Variants in XRN1 observed in about 807,000 individuals in gnomAD.
XRN1 encodes 5'-3' exoribonuclease 1.
In XRN1, 67 loss-of-function variants were observed where a neutral mutation model predicts 222.3. The ratio of observed to expected loss-of-function variants is 0.30; its 90% CI spans 0.25 to 0.37. The LOEUF (loss-of-function observed/expected upper bound fraction) is 0.37, where lower values mean the gene tolerates loss of function less well. XRN1 is among the 10% of genes least tolerant of loss of function. XRN1 has a pLI of 1.00. For synonymous variants in XRN1, 643 were observed against 652.4 expected (o/e 0.99, Z 0.22); for missense variants, 1,707 against 2,000.2 (o/e 0.85, Z 2.80).
At chr3:142,331,947 G>T (rs961975761) in intron 36 of XRN1, among the ~76,000 whole-genome samples, 1 of 151,980 alleles carries the variant, frequency 6.6e-6, no homozygotes, top group Non-Finnish European at 1.5e-5. Flanking sequence ...GCTAACTTTT[G>T]TATTTTTTAG....
chr3:142,348,884 C>T (rs1476123771), intron 32 of XRN1, among the ~76,000 whole-genome samples: 1 of 152,130 alleles, frequency 6.6e-6, no homozygotes, highest in Non-Finnish European at 1.5e-5. Flanking sequence ...AAGTGTTCCT[C>T]CTGCCTTGGC....
In XRN1 at chr3:142,426,730, C is replaced by T; in HGVS notation, c.406+14G>A. On this transcript the variant is annotated intron_variant, in intron 3 of 40. Coordinates refer to ENST00000392981, the MANE Select transcript of XRN1 (RefSeq NM_001282857.2). ...ATTTCAATTCTGTCATAATTTGTCT[C>T]TCAGTGAATTTACCTGGTGTGATAC... 3 of 1,597,882 alleles carry T rather than the reference C, an allele frequency of 1.9e-6. No homozygotes were observed. Among genetic ancestry groups the T allele is most frequent in the Non-Finnish European group, 2.6e-6 (3 of 1,171,648 alleles).
Position 142,400,048 on chromosome 3 carries a change from A to G in XRN1, c.2207+396T>C, listed in dbSNP as rs9842297. ...TAAGATATTTTTCTTAAAACAAAAG[A>G]TATGTGCCCTAAAAAATTAATGTAC... is the stretch of plus-strand genomic sequence containing the variant. On this transcript the variant is annotated intron_variant, in intron 19 of 40. Coordinates refer to ENST00000392981, the MANE Select transcript of XRN1 (RefSeq NM_001282857.2). 1.1e-3 allele frequency among the ~76,000 whole-genome samples: 174 copies of G among 152,284 alleles called. 1 individual carries two copies. Among genetic ancestry groups the G allele is most frequent in the African/African-American group, 3.7e-3 (155 of 41,580 alleles).
intron 29 of XRN1, among the ~76,000 whole-genome samples, chr3:142,363,172 C>G (rs1315350732): frequency 6.6e-6 from 1 of 151,590 alleles, no homozygotes; most frequent in African/African-American, 2.4e-5. Context: ...AATTTTAGCT[C>G]TTACATTTAT....
intron 29 of XRN1, among the ~76,000 whole-genome samples, chr3:142,363,340 T>C (rs2066710155): frequency 6.6e-6 from 1 of 152,024 alleles, no homozygotes; most frequent in Non-Finnish European, 1.5e-5. Flanking sequence ...TTAAATTAAA[T>C]TACATTTTTT....
intron 15 of XRN1, among the ~76,000 whole-genome samples, chr3:142,412,165 A>G (rs1026068008): frequency 1.3e-5 from 2 of 152,298 alleles, no homozygotes; most frequent in Middle Eastern, 3.4e-3. Context: ...TTAATTCTTC[A>G]GAGAAAAGTG....
At chr3:142,403,478 G>T (rs1485847521) in intron 18 of XRN1, among the ~76,000 whole-genome samples, 196 bp downstream of exon 18, 3 of 152,032 alleles carry the variant, frequency 2.0e-5, no homozygotes, top group Admixed American at 6.6e-5. Flanking sequence ...TAGAAAATTT[G>T]TATATTCATT....
chr3:142,429,144 CTT>C (rs199947503), intron 2 of XRN1, among the ~76,000 whole-genome samples: 7 of 120,098 alleles, frequency 5.8e-5, no homozygotes, highest in East Asian at 2.4e-4. Flanking sequence ...TAGCCATAAT[CTT>C]TTTTTTTTTT....
intron 33 of XRN1, among the ~76,000 whole-genome samples, chr3:142,336,022 T>C (rs2065842935): frequency 6.6e-6 from 1 of 152,172 alleles, no homozygotes; most frequent in Non-Finnish European, 1.5e-5. Flanking sequence ...ATTGGCTAAA[T>C]AGAAGAATAG....
At chr3:142,402,460 G>C (rs1342721658) in intron 18 of XRN1, among the ~76,000 whole-genome samples, 1 of 152,130 alleles carries the variant, frequency 6.6e-6, no homozygotes, top group Non-Finnish European at 1.5e-5. Flanking sequence ...TGGGATTACA[G>C]ACGTAAGCCA....
chr3:142,346,211 T>A (rs1189851948), intron 33 of XRN1, among the ~76,000 whole-genome samples: 1 of 152,236 alleles, frequency 6.6e-6, no homozygotes, highest in Non-Finnish European at 1.5e-5. Context: ...AAGGATGAAG[T>A]ACTGATACAG....
chr3:142,357,817 C>T (rs2066504772), intron 30 of XRN1, among the ~76,000 whole-genome samples: 1 of 152,106 alleles, frequency 6.6e-6, no homozygotes, highest in African/African-American at 2.4e-5. Context: ...AGGTCGATCA[C>T]TTGAGGTCAG....
In XRN1 at chr3:142,307,376, AAAAG is replaced by A. The variant is rs1296492899; in HGVS notation, c.*4131_*4134del. The A allele has an allele frequency of 6.6e-6, 1 of 152,168 alleles. No homozygotes were observed. The allele number at this position is 152,168 out of a possible 1,614,324, so 9.4% of individuals were successfully genotyped here. ...TGGTGTACGGCTGGAGGGAAAAAAAAAAAGACTTTTTACAGGTTTAACTTTGTAA... is the reference window on the plus strand; with the variant it reads ...TGGTGTACGGCTGGAGGGAAAAAAAAACTTTTTACAGGTTTAACTTTGTAA... On this transcript the variant is annotated 3_prime_UTR_variant, in exon 41 of 41. Transcript: ENST00000392981.
chr3:142,378,864 A>G (rs1191379911), intron 23 of XRN1, among the ~76,000 whole-genome samples: 2 of 152,222 alleles, frequency 1.3e-5, no homozygotes, highest in Admixed American at 1.3e-4. Context: ...AAGGTGCTAA[A>G]AAGATTTCAG....
rs747575032 is a variant in XRN1 at position 142,355,438 on chromosome 3, C to G, written c.3731G>C (p.Gly1244Ala). ...AGTTGGCTGAAAGTATTGCATCTTTCCAGATCCCTGTAAGGACTGCCAAAT... is the reference window on the plus strand; with the variant it reads ...AGTTGGCTGAAAGTATTGCATCTTTGCAGATCCCTGTAAGGACTGCCAAAT... Reference protein sequence around the residue: ...CNIWQSLQGSGKMQYFQPTIQ... With the variant: ...CNIWQSLQGSAKMQYFQPTIQ... The change falls in exon 32 of 41, where the codon GGA (glycine) becomes GCA (alanine). Residue 1244 changes from glycine (G) to alanine (A), a missense_variant. Transcript: ENST00000392981. 1.3e-6 allele frequency: 2 copies of G among 1,593,062 alleles called. No homozygotes were observed. The highest frequency in any genetic ancestry group is 1.7e-6 in the Non-Finnish European group (2 of 1,167,472).
chr3:142,439,912 G>A (rs535038570), intron 1 of XRN1, among the ~76,000 whole-genome samples: 9 of 152,224 alleles, frequency 5.9e-5, no homozygotes, highest in Admixed American at 2.0e-4. Context: ...GAAATAAGCC[G>A]CCCCCTTGTC....
chr3:142,395,346 G>C (rs531642021), intron 20 of XRN1, among the ~76,000 whole-genome samples: 2 of 152,320 alleles, frequency 1.3e-5, no homozygotes, highest in East Asian at 3.9e-4. Flanking sequence ...ACATAGCCTT[G>C]TCTACCCAAC....
intron 2 of XRN1, among the ~76,000 whole-genome samples, chr3:142,428,208 C>T (rs1320684011): frequency 3.3e-5 from 5 of 151,980 alleles, no homozygotes; most frequent in Non-Finnish European, 5.9e-5. Context: ...GCCTGGCCAA[C>T]ATGGTGAAAC....
At chr3:142,319,520 C>T (rs1311516988) in intron 37 of XRN1, among the ~76,000 whole-genome samples, 1 of 151,954 alleles carries the variant, frequency 6.6e-6, no homozygotes, top group South Asian at 2.1e-4. Context: ...TTTTGGTTTA[C>T]CTTAATTTTT....
Sources: gnomAD v4.1 joint callset for allele counts (sites outside exome capture counted in the v4.1 genomes callset) on GRCh38, gnomAD v4.1.1 for gene constraint, MANE v1.5 for transcripts, NCBI Gene and HGNC (gene_info 2026-07-23, HGNC 2026-07-21) for gene names.